PRIM2: variants seen among roughly 807,000 people sequenced by gnomAD.
PRIM2 encodes the protein DNA primase large subunit.
Under a neutral mutation model 67.3 loss-of-function variants are expected in PRIM2, and 39 were observed. The ratio of observed to expected loss-of-function variants is 0.58; its 90% CI spans 0.45 to 0.76. The LOEUF (loss-of-function observed/expected upper bound fraction) is 0.76. Ranked by LOEUF, PRIM2 falls within the 30% of genes least tolerant of loss-of-function variation. The pLI is 0.00. For missense variants in PRIM2, 398 were observed against 598.7 expected (o/e 0.66, Z 3.50); for synonymous variants, 143 against 198.7 (o/e 0.72, Z 2.36).
rs1437116819 is a variant in PRIM2 at position 57,542,520 on chromosome 6, T to A, written c.1020+4895T>A. On this transcript the variant is annotated intron_variant, in intron 10 of 13. Coordinates refer to ENST00000615550, the MANE Select transcript of PRIM2 (RefSeq NM_000947.5). ...GCAATATCATCAGTAGTCTTTTTTTTAACTTGTATGTTTAAATTTTTTTAT... is the reference window on the plus strand; with the variant it reads ...GCAATATCATCAGTAGTCTTTTTTTAAACTTGTATGTTTAAATTTTTTTAT... 3.3e-5 allele frequency among the ~76,000 whole-genome samples: 5 copies of A among 152,346 alleles called. No individual in the cohort carries two copies. In the South Asian group the frequency reaches 6.2e-4, roughly 19 times the overall value.
chr6:57,571,325 CCCTATTGTG>C (rs1775858700), intron 10 of PRIM2, among the ~76,000 whole-genome samples: 1 of 151,980 alleles, frequency 6.6e-6, no homozygotes, highest in Non-Finnish European at 1.5e-5. Context: ...CTCATGATCT[CCCTATTGTG>C]CCTATTATTA....
In PRIM2 at chr6:57,381,966, A is replaced by G. The variant is rs1384146898; in HGVS notation, c.556-65A>G. On this transcript the variant is annotated intron_variant, in intron 6 of 13. Coordinates refer to ENST00000615550, the MANE Select transcript of PRIM2 (RefSeq NM_000947.5). ...ATTTCTTTGTTTATACTTTATACAT[A>G]TGAAGACTTAGGATTTCTTAATGAC... 10 of 1,503,818 alleles carry G rather than the reference A, an allele frequency of 6.6e-6. No individual in the cohort carries two copies. The African/African-American group carries it at 1.1e-4, about 17-fold the overall frequency. 93.2% of individuals were successfully genotyped at this position (1,503,818 alleles called of 1,614,324 possible).
chr6:57,545,767 A>C (rs1447135904), intron 10 of PRIM2, among the ~76,000 whole-genome samples: 1 of 152,160 alleles, frequency 6.6e-6, no homozygotes, highest in Non-Finnish European at 1.5e-5. Flanking sequence ...GTCTTCCAAG[A>C]GATTTATTTG....
intron 12 of PRIM2, among the ~76,000 whole-genome samples, chr6:57,613,932 A>G (rs1776708499): frequency 2.0e-5 from 3 of 151,852 alleles, no homozygotes; most frequent in African/African-American, 7.3e-5. Flanking sequence ...GCTCACTGCA[A>G]CCTCTGCCTC....
chr6:57,537,912 A>G (rs1205807888), intron 10 of PRIM2, among the ~76,000 whole-genome samples: 3 of 152,232 alleles, frequency 2.0e-5, no homozygotes, highest in Non-Finnish European at 2.9e-5. Context: ...GTGTCTATAC[A>G]TATGCACATA....
the PRIM2 span, among the ~76,000 whole-genome samples, chr6:57,265,348 TA>T: frequency 2.0e-5 from 3 of 152,208 alleles, no homozygotes; most frequent in African/African-American, 7.2e-5. Flanking sequence ...CTTTAATTAT[TA>T]AGCTGAAGAA....
intron 10 of PRIM2, among the ~76,000 whole-genome samples, chr6:57,559,369 C>T (rs1184145064): frequency 6.6e-6 from 1 of 152,082 alleles, no homozygotes; most frequent in Non-Finnish European, 1.5e-5. Context: ...CAGTGTTTAC[C>T]TGTTCTAGTG....
At chr6:57,261,426 C>T in the PRIM2 span, among the ~76,000 whole-genome samples, 2 of 152,214 alleles carry the variant, frequency 1.3e-5, no homozygotes, top group African/African-American at 4.8e-5. Context: ...CCTTTCTGCT[C>T]TCTCTTCAGG....
intron 12 of PRIM2, among the ~76,000 whole-genome samples, chr6:57,621,357 G>C (rs1776850548): frequency 1.3e-5 from 2 of 152,110 alleles, no homozygotes; most frequent in African/African-American, 4.8e-5. Context: ...ATGGCCTCAT[G>C]ATGTCTTAAA....
At chr6:57,567,401 A>G (rs1420709610) in intron 10 of PRIM2, among the ~76,000 whole-genome samples, 1 of 152,184 alleles carries the variant, frequency 6.6e-6, no homozygotes, top group East Asian at 1.9e-4. Context: ...TAGTTTGCCC[A>G]ACTGTAGGCA....
the PRIM2 span, among the ~76,000 whole-genome samples, chr6:57,290,978 G>A: frequency 6.6e-6 from 1 of 152,278 alleles, no homozygotes; most frequent in South Asian, 2.1e-4. Context: ...AAAGGTAGCA[G>A]AAGGCAAGAA....
At position 57,338,282 on chromosome 6, in the gene PRIM2, A is replaced by G. The variant is rs1009019070; in HGVS notation, c.459+12237A>G. Among the ~76,000 whole-genome samples the G allele has an allele frequency of 3.3e-3, 509 of 152,308 alleles. 3 individuals are homozygous for G. Among genetic ancestry groups the G allele is most frequent in the Middle Eastern group, 0.017 (5 of 294 alleles). ...ACAGCTGAATTCTACCAGAGGTACA[A>G]GGAGGAACTGGTACCATTCCTTCTG... On this transcript the variant is annotated intron_variant, in intron 5 of 13. Coordinates refer to ENST00000615550, the MANE Select transcript of PRIM2 (RefSeq NM_000947.5).
chr6:57,343,511 G>A (rs952484367), intron 5 of PRIM2, among the ~76,000 whole-genome samples: 4 of 152,172 alleles, frequency 2.6e-5, no homozygotes, highest in African/African-American at 7.2e-5. Flanking sequence ...AAGGAGTCTG[G>A]TGGAACAGCT....
chr6:57,353,601 A>G (rs1229879645), intron 5 of PRIM2, among the ~76,000 whole-genome samples: 1 of 152,192 alleles, frequency 6.6e-6, no homozygotes, highest in Non-Finnish European at 1.5e-5. Flanking sequence ...TTTTGGTGGT[A>G]TTTATAGCAG....
At chr6:57,497,340 C>T (rs1774026747) in intron 7 of PRIM2, 1 of 152,138 alleles carries the variant, frequency 6.6e-6, no homozygotes, top group South Asian at 2.1e-4. Context: ...CACTGCATAT[C>T]TCTTAATATC....
intron 7 of PRIM2, among the ~76,000 whole-genome samples, chr6:57,444,992 A>G (rs200057294): frequency 3.3e-5 from 5 of 151,436 alleles, no homozygotes; most frequent in Admixed American, 3.3e-4. Flanking sequence ...TGAAATGACA[A>G]TTTCTTAAGC....
At chr6:57,227,256 T>G in the PRIM2 span, among the ~76,000 whole-genome samples, 1 of 152,224 alleles carries the variant, frequency 6.6e-6, no homozygotes, top group Admixed American at 6.5e-5. Context: ...CTCACACTTC[T>G]GTTGGAACAT....
At chr6:57,593,309 T>C (rs1201843908) in intron 10 of PRIM2, among the ~76,000 whole-genome samples, 2 of 151,684 alleles carry the variant, frequency 1.3e-5, no homozygotes, top group Non-Finnish European at 2.9e-5. Flanking sequence ...CCTACCTCTT[T>C]TTTTTTTTTG....
In PRIM2 at chr6:57,490,255, T is replaced by A. The variant is rs1311329085; in HGVS notation, c.694-17132T>A. Among the ~76,000 whole-genome samples, 38 of 152,312 alleles carry A rather than the reference T, an allele frequency of 2.5e-4. 1 individual carries two copies. The highest frequency in any genetic ancestry group is 8.2e-4 in the African/African-American group (34 of 41,568). ...TTTACATTTTAAAGGAGTTTCCTGG[T>A]GGTAGGCAGCAAACTGGAGTGATCA... is the stretch of plus-strand genomic sequence containing the variant. On this transcript the variant is annotated intron_variant, in intron 7 of 13. Transcript: ENST00000615550.
Sources: allele counts gnomAD v4.1 joint callset (sites outside exome capture counted in the v4.1 genomes callset), GRCh38; gene constraint gnomAD v4.1.1; transcripts MANE v1.5; gene names NCBI Gene and HGNC (gene_info 2026-07-23, HGNC 2026-07-21).